Variants in SIGIRR observed in about 807,000 individuals in gnomAD.
SIGIRR encodes single Ig and TIR domain containing.
SIGIRR carries 41 observed loss-of-function variants against 45.6 expected under a neutral mutation model. That is an observed-to-expected ratio of 0.90 (90% CI 0.70 to 1.17). The LOEUF (loss-of-function observed/expected upper bound fraction) is 1.17, where lower values mean the gene tolerates loss of function less well. SIGIRR is among the 50% of genes most tolerant of loss of function. The pLI, the probability that SIGIRR is intolerant of heterozygous loss-of-function variation, is 0.00. For missense variants in SIGIRR, 599 were observed against 539.6 expected, an observed-to-expected ratio of 1.11 and a Z score of -1.09; for synonymous variants, 298 against 239.0, an observed-to-expected ratio of 1.25 and a Z score of -2.28.
chr11:415,510 TC>T (rs1186727409), upstream of SIGIRR, among the ~76,000 whole-genome samples: 1 of 152,054 alleles, frequency 6.6e-6, no homozygotes, highest in East Asian at 1.9e-4. The surrounding 1 kb of genome is among the most constrained non-coding windows in gnomAD (Gnocchi z 6.6). Flanking sequence ...CCCCCATGTG[TC>T]TTTGACCTCT....
chr11:407,216 G>A, intron 6 of SIGIRR, 52 bp from the exon 7 acceptor site: 1 of 740,422 alleles, frequency 1.4e-6, no homozygotes, highest in Non-Finnish European at 2.0e-6. Context: ...GGGAGGGCGG[G>A]GCCGGAGGCT....
At chr11:412,126 G>A (rs1847667442) in intron 1 of SIGIRR, among the ~76,000 whole-genome samples, 1 of 31,046 alleles carries the variant, frequency 3.2e-5, no homozygotes, top group African/African-American at 1.2e-4. Flanking sequence ...GGATACAGTC[G>A]GGGGGAGGTG....
At chr11:412,730 G>C (rs557876508) in intron 1 of SIGIRR, among the ~76,000 whole-genome samples, 6 of 151,004 alleles carry the variant, frequency 4.0e-5, no homozygotes, top group African/African-American at 1.5e-4. Flanking sequence ...GCAGTCGAGG[G>C]GGGGTGCCCA....
At chr11:406,584 G>T (rs771644769) in intron 8 of SIGIRR, 46 bp from the exon 9 acceptor site, 3 of 1,551,710 alleles carry the variant, frequency 1.9e-6, no homozygotes, top group East Asian at 2.3e-5. Context: ...CACCTCGGAA[G>T]CCCCTGGCGT....
intron 1 of SIGIRR, 43 bp from the exon 2 acceptor site, chr11:410,070 A>C: frequency 8.1e-7 from 1 of 1,237,088 alleles, no homozygotes; most frequent in Non-Finnish European, 1.0e-6. Flanking sequence ...GAACAGGATG[A>C]GTTAACCAGT....
In SIGIRR at chr11:408,811, C is replaced by A. The variant is rs752407472; in HGVS notation, c.90G>T (p.Leu30=). The A allele has an allele frequency of 2.5e-6, 4 of 1,612,830 alleles. No individual in the cohort carries two copies. The highest frequency in any genetic ancestry group is 1.7e-4 in the Middle Eastern group (1 of 6,058). ...CAGAGACTACCCAAGCCGTGCAGTT[C>A]AGAGCCACTGAGCTGCCCAAGGCAG... ...LRPALGSSVA[L]NCTAWVVSGP... The change falls in exon 3 of 10, where the codon CTG becomes CTT. Residue 30 remains leucine, a synonymous_variant. Coordinates refer to ENST00000431843, the MANE Select transcript of SIGIRR (RefSeq NM_001135054.2).
At chr11:410,621 G>T (rs1847552472) in intron 1 of SIGIRR, among the ~76,000 whole-genome samples, 3 of 32,250 alleles carry the variant, frequency 9.3e-5, no homozygotes, top group African/African-American at 4.6e-4. Context: ...GATGCAGTCG[G>T]GGGGGGGGGG....
chr11:405,846 C>T lies in SIGIRR; in HGVS notation c.*50G>A, dbSNP rs1359337064. The stretch of plus-strand genomic sequence containing the variant: ...GTCCTGTTGAGCAGAGGAGCGACGC[C>T]GCTGCCCTGGCCCCCGCTGTCCCTA... On this transcript the variant is annotated 3_prime_UTR_variant, in exon 10 of 10. Transcript: ENST00000431843. 3.2e-6 allele frequency: 5 copies of T among 1,540,620 alleles called. No homozygotes were observed. The highest frequency in any genetic ancestry group is 2.3e-5 in the East Asian group (1 of 44,088).
At chr11:409,089 C>G (rs147913601) in intron 2 of SIGIRR, 196 bp from the exon 3 acceptor site, 279 of 617,644 alleles carry the variant, frequency 4.5e-4, no homozygotes, top group African/African-American at 4.5e-3. Flanking sequence ...TTGGGTGTTC[C>G]GCCCACCCTG....
At chr11:417,396 A>G (rs1350166463), upstream of SIGIRR, 2 of 152,020 alleles carry the variant, frequency 1.3e-5, no homozygotes, top group Admixed American at 1.3e-4. The surrounding 1 kb of genome is among the most constrained non-coding windows in gnomAD (Gnocchi z 4.2). Context: ...CGCAGCGGCA[A>G]CAGCCCCGGC....
At chr11:410,743 C>CGGT (rs1590381833) in intron 1 of SIGIRR, among the ~76,000 whole-genome samples, 2 of 42,648 alleles carry the variant, frequency 4.7e-5, no homozygotes, top group African/African-American at 1.1e-4. Flanking sequence ...TGGATGCAGT[C>CGGT]GGGGGGTGCC....
upstream of SIGIRR, among the ~76,000 whole-genome samples, chr11:416,605 C>T (rs1031540534): frequency 6.6e-6 from 1 of 152,138 alleles, no homozygotes. The surrounding 1 kb of genome is among the most constrained non-coding windows in gnomAD (Gnocchi z 9.1). Flanking sequence ...GTGGGTTCGA[C>T]GCTCAGCACC....
upstream of SIGIRR, among the ~76,000 whole-genome samples, chr11:415,814 T>TGG (rs1847865648): frequency 1.3e-5 from 2 of 152,186 alleles, no homozygotes; most frequent in African/African-American, 4.8e-5. The surrounding 1 kb of genome is among the most constrained non-coding windows in gnomAD (Gnocchi z 6.6). Context: ...GACCTGGGAC[T>TGG]GGGGACCCAG....
chr11:409,267 G>A lies in SIGIRR; in HGVS notation c.8-374C>T, dbSNP rs576966243. ...TGATGCCTGTCTCATAGGAGGGGCCGGGCACTGCACCCCTCAGCCTGGCCT... is the reference window on the plus strand; with the variant it reads ...TGATGCCTGTCTCATAGGAGGGGCCAGGCACTGCACCCCTCAGCCTGGCCT... On this transcript the variant is annotated intron_variant, in intron 2 of 9. Coordinates refer to ENST00000431843, the MANE Select transcript of SIGIRR (RefSeq NM_001135054.2). 1.8e-3 allele frequency: 771 copies of A among 419,936 alleles called. 2 individuals are homozygous for A. The highest frequency in any genetic ancestry group is 2.1e-3 in the Non-Finnish European group (447 of 215,906). The allele number at this position is 419,936 out of a possible 1,614,324, so 26.0% of individuals were successfully genotyped here. A position where few individuals can be genotyped will look rare whatever the true frequency, so the allele number is the denominator to read the frequency against.
chr11:408,229 A>G (rs758572279), intron 3 of SIGIRR, 23 bp from the exon 4 acceptor site: 8 of 1,611,448 alleles, frequency 5.0e-6, no homozygotes, highest in Non-Finnish European at 6.8e-6. Flanking sequence ...AGCCAGGGTC[A>G]GGGTCGACTG....
chr11:411,552 T>A (rs1327094782), intron 1 of SIGIRR, among the ~76,000 whole-genome samples: 28 of 58,038 alleles, frequency 4.8e-4, no homozygotes, highest in African/African-American at 1.7e-3. Flanking sequence ...CTGGATGCAG[T>A]CGGGGAGGGG....
rs774132614 is a variant in SIGIRR at position 405,900 on chromosome 11, A to G, written c.1229T>C (p.Met410Thr). 56 of 1,596,146 alleles carry G rather than the reference A, an allele frequency of 3.5e-5. No homozygotes were observed. The highest frequency in any genetic ancestry group is 4.7e-5 in the Non-Finnish European group (55 of 1,168,162). Residue 410 changes from methionine to threonine, a missense_variant, in exon 10 of 10, where the codon ATG becomes ACG. Coordinates refer to ENST00000431843, the MANE Select transcript of SIGIRR (RefSeq NM_001135054.2). ...DFYCLVSKDD[M>T] ...TCCTGCACTCTGGGGTGGGAGCTAC[A>G]TATCATCCTTGGACACCAGGCAGTA...
At chr11:416,356 C>T (rs981242652), upstream of SIGIRR, among the ~76,000 whole-genome samples, 6 of 152,246 alleles carry the variant, frequency 3.9e-5, no homozygotes, top group South Asian at 1.2e-3. The surrounding 1 kb of genome is among the most constrained non-coding windows in gnomAD (Gnocchi z 9.1). Context: ...TCTCTGCTAA[C>T]GTCCTGCACC....
chr11:412,247 G>A (rs1847675922), intron 1 of SIGIRR, among the ~76,000 whole-genome samples: 1 of 9,002 alleles, frequency 1.1e-4, no homozygotes, highest in African/African-American at 4.2e-4. Flanking sequence ...GATGCAGTCG[G>A]GGGGTGCCCA....
Sources: gnomAD v4.1 joint callset for allele counts (sites outside exome capture counted in the v4.1 genomes callset) on GRCh38, gnomAD v4.1.1 for gene constraint, Gnocchi (gnomAD v3.1) non-coding constraint, MANE v1.5 for transcripts, NCBI Gene and HGNC (gene_info 2026-07-23, HGNC 2026-07-21) for gene names.